Variants in UBE2E1 observed in about 807,000 individuals in gnomAD.
UBE2E1 encodes ubiquitin conjugating enzyme E2 E1.
In UBE2E1, 6 loss-of-function variants were observed where a neutral mutation model predicts 21.4. That is an observed-to-expected ratio of 0.28 (90% CI 0.15 to 0.55). The LOEUF (loss-of-function observed/expected upper bound fraction) is 0.55, where lower values mean the gene tolerates loss of function less well. Among genes scored for constraint, UBE2E1 ranks in the 20% least tolerant of loss-of-function variants. The probability of loss-of-function intolerance (pLI) is 0.93; values close to 1 mark genes in which losing one functional copy is unlikely to be tolerated. For missense variants in UBE2E1, 142 were observed against 236.5 expected (o/e 0.60, Z 2.62); for synonymous variants, 87 against 82.7 (o/e 1.05, Z -0.28).
At chr3:23,812,203 CTT>C (rs1411767133) in intron 3 of UBE2E1, among the ~76,000 whole-genome samples, 5 of 147,930 alleles carry the variant, frequency 3.4e-5, no homozygotes, top group Non-Finnish European at 5.9e-5. Flanking sequence ...GACTTGATGA[CTT>C]TACTAGATCA....
intron 3 of UBE2E1, among the ~76,000 whole-genome samples, chr3:23,827,566 A>G (rs1351028619): frequency 6.6e-6 from 1 of 152,180 alleles, no homozygotes; most frequent in Non-Finnish European, 1.5e-5. Flanking sequence ...TTAAGTGGAG[A>G]AGCTGGTATT....
In UBE2E1 at chr3:23,876,112, G is replaced by T. The variant is rs1056719894; in HGVS notation, c.204-11455G>T. 6.6e-6 allele frequency among the ~76,000 whole-genome samples: 1 copy of T among 152,158 alleles called. No individual in the cohort carries two copies. Among genetic ancestry groups the T allele is most frequent in the African/African-American group, 2.4e-5 (1 of 41,448 alleles). On this transcript the variant is annotated intron_variant, in intron 3 of 5. Transcript: ENST00000306627. The surrounding 1 kb of genome is among the most constrained non-coding windows in gnomAD (Gnocchi z 4.3). ...GTGTGTGGGTACTAGTTTTTCTGGG[G>T]AGCCCTTTAGGTTGGCTCTAGGTCT...
intron 3 of UBE2E1, among the ~76,000 whole-genome samples, chr3:23,857,958 C>T (rs1647248037): frequency 6.6e-6 from 1 of 151,780 alleles, no homozygotes; most frequent in African/African-American, 2.4e-5. Flanking sequence ...CAACCTCTGT[C>T]ACCCAGGTTC....
At chr3:23,864,650 T>C (rs1700616960) in intron 3 of UBE2E1, among the ~76,000 whole-genome samples, 1 of 152,258 alleles carries the variant, frequency 6.6e-6, no homozygotes, top group Non-Finnish European at 1.5e-5. Flanking sequence ...TGGATATTAA[T>C]AAGTTTATTT....
intron 3 of UBE2E1, among the ~76,000 whole-genome samples, chr3:23,833,256 C>T (rs1207214882): frequency 6.6e-6 from 1 of 151,928 alleles, no homozygotes; most frequent in Non-Finnish European, 1.5e-5. Flanking sequence ...TTTTGTGTTG[C>T]TTGTTCCTAA....
chr3:23,840,061 C>T (rs1700053728), intron 3 of UBE2E1, among the ~76,000 whole-genome samples: 1 of 151,970 alleles, frequency 6.6e-6, no homozygotes, highest in African/African-American at 2.4e-5. Context: ...CTTATTTTTC[C>T]TTTGCATAGT....
chr3:23,890,570 A>C lies in UBE2E1; in HGVS notation c.546A>C (p.Arg182Ser). 6.2e-7 allele frequency: 1 copy of C among 1,613,820 alleles called. No homozygotes were observed. Among genetic ancestry groups the C allele is most frequent in the Non-Finnish European group, 8.5e-7 (1 of 1,179,864 alleles). The part of the protein sequence containing the change: ...QYMTNRAEHD[R>S]MARQWTKRYA... ...TGACCAACAGAGCAGAACATGACAGAATGGCCAGACAGTGGACCAAGAGAT... is the reference window on the plus strand; with the variant it reads ...TGACCAACAGAGCAGAACATGACAGCATGGCCAGACAGTGGACCAAGAGAT... Residue 182 changes from arginine (R) to serine (S), a missense_variant, in exon 6 of 6, where the codon AGA becomes AGC. Arg to Ser is a moderately radical substitution (Grantham distance 110). This residue lies in a region of UBE2E1 where 87 missense variants were observed against 184.9 expected (regional missense o/e 0.47). Transcript: ENST00000306627.
intron 3 of UBE2E1, among the ~76,000 whole-genome samples, chr3:23,817,065 T>C (rs890560654): frequency 2.0e-5 from 3 of 152,150 alleles, no homozygotes; most frequent in African/African-American, 7.2e-5. Flanking sequence ...TTGAGAAAAA[T>C]GCTTATAGCT....
intron 3 of UBE2E1, among the ~76,000 whole-genome samples, chr3:23,879,767 C>T (rs1362529542): frequency 6.6e-6 from 1 of 152,214 alleles, no homozygotes; most frequent in Non-Finnish European, 1.5e-5. Context: ...TTCTAGCATG[C>T]TTATCTTCCT....
rs1553638830 is a variant in UBE2E1 at position 23,857,018 on chromosome 3, A to AAG, written c.204-30541_204-30540dup. ...CTGTCTCTTAAAAAAAAAAAAAAAA[A>AAG]AGAGAGAGAATGAGAAATGCCATTT... On this transcript the variant is annotated intron_variant, in intron 3 of 5. Coordinates refer to ENST00000306627, the MANE Select transcript of UBE2E1 (RefSeq NM_003341.5). Among the ~76,000 whole-genome samples, 341 of 145,980 alleles carry AAG rather than the reference A, an allele frequency of 2.3e-3. 5 individuals carry two copies. The highest frequency in any genetic ancestry group is 3.2e-3 in the Non-Finnish European group (214 of 66,914).
At chr3:23,827,508 AAG>A (rs1009962569) in intron 3 of UBE2E1, among the ~76,000 whole-genome samples, 42 of 152,228 alleles carry the variant, frequency 2.8e-4, no homozygotes, top group African/African-American at 9.6e-4. Flanking sequence ...TAAATGAGGA[AAG>A]AGAACCTTAA....
At chr3:23,831,033 G>A (rs1327200264) in intron 3 of UBE2E1, among the ~76,000 whole-genome samples, 2 of 152,138 alleles carry the variant, frequency 1.3e-5, no homozygotes, top group Admixed American at 6.5e-5. Flanking sequence ...TGGCTTCAGG[G>A]CCGATACTCA....
rs1700915983 is a variant in UBE2E1, at chr3:23,876,462, T to C, written c.204-11105T>C. Among the ~76,000 whole-genome samples, 1 of 152,210 alleles carries C rather than the reference T, an allele frequency of 6.6e-6. No homozygotes were observed. Among genetic ancestry groups the C allele is most frequent in the South Asian group, 2.1e-4 (1 of 4,834 alleles). ...GAGAAGGCAGCTTTCACCCAGTATC[T>C]CTGGTAGATTGCTACCTTCATAGCT... On this transcript the variant is annotated intron_variant, in intron 3 of 5. Coordinates refer to ENST00000306627, the MANE Select transcript of UBE2E1 (RefSeq NM_003341.5). This position sits in a 1 kb window ranked among gnomAD's most constrained non-coding sequence, Gnocchi z 4.3.
At chr3:23,824,639 C>T (rs1699717035) in intron 3 of UBE2E1, among the ~76,000 whole-genome samples, 1 of 152,204 alleles carries the variant, frequency 6.6e-6, no homozygotes, top group Non-Finnish European at 1.5e-5. Flanking sequence ...AACATTTACT[C>T]GTTGTCCTTT....
At chr3:23,811,647 A>G (rs1358550874) in intron 3 of UBE2E1, 137 bp downstream of exon 3, 7 of 777,384 alleles carry the variant, frequency 9.0e-6, no homozygotes, top group Non-Finnish European at 1.5e-5. Context: ...AACAGCTGAA[A>G]TTTATTAACC....
chr3:23,842,869 CTAACTA>C lies in UBE2E1; in HGVS notation c.203+31364_203+31369del. On this transcript the variant is annotated intron_variant, in intron 3 of 5. Transcript: ENST00000306627. This position sits in a 1 kb window ranked among gnomAD's most constrained non-coding sequence, Gnocchi z 4.6. The stretch of plus-strand genomic sequence containing the variant: ...ATCAAATTTTCCATATCTCTGTAAT[CTAACTA>C]TAACCTCTGAGGGCAAGGGCTTGTT... Among the ~76,000 whole-genome samples, 1 of 152,190 alleles carries C rather than the reference CTAACTA, an allele frequency of 6.6e-6. No homozygotes were observed. Among genetic ancestry groups the C allele is most frequent in the South Asian group, 2.1e-4 (1 of 4,828 alleles).
In UBE2E1 at chr3:23,885,879, AC is replaced by A. The variant is rs1275581526; in HGVS notation, c.204-1687del. Among the ~76,000 whole-genome samples, 18 of 151,232 alleles carry A rather than the reference AC, an allele frequency of 1.2e-4. No individual in the cohort carries two copies. The East Asian group carries it at 1.4e-3, about 12-fold the overall frequency. On this transcript the variant is annotated intron_variant, in intron 3 of 5. Coordinates refer to ENST00000306627, the MANE Select transcript of UBE2E1 (RefSeq NM_003341.5). ...CCGCCTTAAAAAACAAACAAAAAAAACAAAACAAACAAAAAAACTCTCTCTG... is the reference window on the plus strand; with the variant it reads ...CCGCCTTAAAAAACAAACAAAAAAAAAAAACAAACAAAAAAACTCTCTCTG...
intron 3 of UBE2E1, among the ~76,000 whole-genome samples, chr3:23,864,746 C>T (rs1700618970): frequency 6.6e-6 from 1 of 152,176 alleles, no homozygotes; most frequent in African/African-American, 2.4e-5. Flanking sequence ...AGAAAAGAAC[C>T]ATGTTCCTCA....
rs146289084 is a variant in UBE2E1 at position 23,807,821 on chromosome 3, TCTC to T, written c.152+404_152+406del. On this transcript the variant is annotated intron_variant, in intron 2 of 5. Transcript: ENST00000306627. Reference sequence around the variant, plus strand: ...AATGAATTCTGTGACCATTTTACCTTCTCCTCACCTGTTGCATGGATGATCTTT... The same window carrying T: ...AATGAATTCTGTGACCATTTTACCTTCTCACCTGTTGCATGGATGATCTTT... The T allele has an allele frequency of 3.1e-3, 480 of 156,990 alleles. 15 individuals carry two copies. The East Asian group carries it at 0.048, about 16-fold the overall frequency. The allele number at this position is 156,990 out of a possible 1,614,324, so 9.7% of individuals were successfully genotyped here. A position where few individuals can be genotyped will look rare whatever the true frequency, so the allele number is the denominator to read the frequency against.
Sources: allele counts gnomAD v4.1 joint callset (sites outside exome capture counted in the v4.1 genomes callset), GRCh38; gene constraint gnomAD v4.1.1; regional missense constraint gnomAD v4.1.1; non-coding constraint Gnocchi (gnomAD v3.1); transcripts MANE v1.5; gene names NCBI Gene and HGNC (gene_info 2026-07-23, HGNC 2026-07-21).